Variants in EYS observed in about 807,000 individuals in gnomAD.
EYS encodes protein eyes shut homolog.
Under a neutral mutation model 282.1 loss-of-function variants are expected in EYS, and 250 were observed. The ratio of observed to expected loss-of-function variants is 0.89; its 90% confidence interval spans 0.80 to 0.98. The LOEUF (loss-of-function observed/expected upper bound fraction) is 0.98. Ranked by LOEUF, EYS falls within the 50% of genes least tolerant of loss-of-function variation. The pLI, the probability that EYS is intolerant of heterozygous loss-of-function variation, is 0.00. For missense variants in EYS, 4,016 were observed against 3,709.0 expected, an observed-to-expected ratio of 1.08 and a Z score of -2.15; for synonymous variants, 1,355 against 1,282.9, an observed-to-expected ratio of 1.06 and a Z score of -1.20.
At chr6:64,701,389 A>G (rs1770782902) in intron 22 of EYS, among the ~76,000 whole-genome samples, 1 of 152,146 alleles carries the variant, frequency 6.6e-6, no homozygotes, top group Admixed American at 6.5e-5. Flanking sequence ...CAGGGTCAAC[A>G]GACAACTTGC....
At chr6:64,431,997 C>G (rs1774589117) in intron 28 of EYS, among the ~76,000 whole-genome samples, 1 of 152,024 alleles carries the variant, frequency 6.6e-6, no homozygotes. Context: ...TTTCAAAATG[C>G]TTTGTAATTT....
intron 14 of EYS, among the ~76,000 whole-genome samples, chr6:64,951,098 C>A (rs1424045449): frequency 6.6e-6 from 1 of 151,342 alleles, no homozygotes; most frequent in Non-Finnish European, 1.5e-5. Flanking sequence ...AGAAGTGAGC[C>A]CACAATTTGA....
chr6:65,700,887 C>G (rs754347747), intron 1 of EYS, among the ~76,000 whole-genome samples: 2 of 152,146 alleles, frequency 1.3e-5, no homozygotes, highest in Non-Finnish European at 2.9e-5. Flanking sequence ...TTTTGTAAAT[C>G]CCATCTCTGT....
intron 12 of EYS, among the ~76,000 whole-genome samples, chr6:65,145,063 G>GC (rs1230379561): frequency 6.6e-6 from 1 of 151,910 alleles, no homozygotes; most frequent in Non-Finnish European, 1.5e-5. Flanking sequence ...GAGCCACAGA[G>GC]CCCATTTACT....
At chr6:65,212,847 G>T (rs1448832813) in intron 12 of EYS, among the ~76,000 whole-genome samples, 1 of 151,892 alleles carries the variant, frequency 6.6e-6, no homozygotes, top group African/African-American at 2.4e-5. Context: ...CTATAATTTA[G>T]AAAATAAATT....
intron 14 of EYS, among the ~76,000 whole-genome samples, chr6:64,995,833 G>A (rs1771241688): frequency 1.3e-5 from 2 of 151,414 alleles, no homozygotes; most frequent in South Asian, 4.2e-4. Flanking sequence ...AGATAAATGA[G>A]ACAAGAATAT....
At chr6:64,893,287 T>C (rs34772556) in intron 18 of EYS, among the ~76,000 whole-genome samples, 9,686 of 152,116 alleles carry the variant, frequency 0.064, 415 homozygotes, top group African/African-American at 0.12. Flanking sequence ...TAAATCATGT[T>C]ACTAGAGGTA....
chr6:64,546,777 C>T (rs571448622), intron 26 of EYS, among the ~76,000 whole-genome samples: 54 of 152,284 alleles, frequency 3.5e-4, no homozygotes, highest in African/African-American at 9.1e-4. Context: ...AAAAAATGCT[C>T]ATCATCACTG....
chr6:64,759,003 A>G (rs920930703), intron 22 of EYS, among the ~76,000 whole-genome samples: 7 of 151,850 alleles, frequency 4.6e-5, no homozygotes, highest in African/African-American at 1.2e-4. Flanking sequence ...ACCAGACGTG[A>G]TGGCGGGCGC....
intron 2 of EYS, among the ~76,000 whole-genome samples, chr6:65,506,259 GTTTA>G (rs1258749373): frequency 1.3e-5 from 2 of 151,842 alleles, no homozygotes; most frequent in African/African-American, 4.8e-5. Context: ...GGTGGGTCTT[GTTTA>G]TTTGTTTTTC....
intron 12 of EYS, among the ~76,000 whole-genome samples, chr6:65,129,382 C>A (rs905353759): frequency 2.0e-5 from 3 of 151,892 alleles, no homozygotes; most frequent in African/African-American, 7.3e-5. Context: ...AATAAATAGA[C>A]AACCTACAGA....
intron 22 of EYS, among the ~76,000 whole-genome samples, chr6:64,676,305 A>G (rs1265325415): frequency 1.4e-5 from 2 of 142,608 alleles, no homozygotes; most frequent in Non-Finnish European, 3.1e-5. Flanking sequence ...CTATATCTAT[A>G]TCCAATATAT....
At chr6:64,459,650 G>C (rs965460521) in intron 26 of EYS, among the ~76,000 whole-genome samples, 2 of 152,160 alleles carry the variant, frequency 1.3e-5, no homozygotes, top group African/African-American at 4.8e-5. Flanking sequence ...CAAGAGCTGA[G>C]TCTGATGTTT....
At chr6:65,059,788 C>T (rs1773517414) in intron 12 of EYS, among the ~76,000 whole-genome samples, 1 of 152,006 alleles carries the variant, frequency 6.6e-6, no homozygotes, top group Non-Finnish European at 1.5e-5. Context: ...ACCTGTTTGT[C>T]TTGTGACAAA....
chr6:64,168,215 C>T (rs965974826), intron 31 of EYS, among the ~76,000 whole-genome samples: 1 of 152,128 alleles, frequency 6.6e-6, no homozygotes, highest in African/African-American at 2.4e-5. Context: ...GAGCCAAGAT[C>T]ACGCCACTGC....
intron 1 of EYS, among the ~76,000 whole-genome samples, chr6:65,666,957 TA>T (rs200796849): frequency 1.4e-3 from 192 of 141,070 alleles, no homozygotes; most frequent in Admixed American, 1.3e-3. Context: ...CCACCCAATG[TA>T]AAAAAAAAAA....
chr6:65,006,276 C>T (rs1238926388), intron 13 of EYS, among the ~76,000 whole-genome samples: 2 of 150,910 alleles, frequency 1.3e-5, no homozygotes, highest in Non-Finnish European at 3.0e-5. Flanking sequence ...AAAAAGTGTT[C>T]CCTATTCATT....
intron 33 of EYS, among the ~76,000 whole-genome samples, chr6:64,019,700 C>A (rs1177930337): frequency 1.3e-5 from 2 of 151,910 alleles, no homozygotes; most frequent in Non-Finnish European, 2.9e-5. Flanking sequence ...TGAGCCACCA[C>A]GCTCAGCCTC....
chr6:65,375,783 T>C (rs1765340819), intron 8 of EYS, among the ~76,000 whole-genome samples: 1 of 151,770 alleles, frequency 6.6e-6, no homozygotes, highest in African/African-American at 2.4e-5. Flanking sequence ...ATATCAGAGA[T>C]TGAAGATCAA....
Sources: allele counts gnomAD v4.1 joint callset (sites outside exome capture counted in the v4.1 genomes callset), GRCh38; gene constraint gnomAD v4.1.1; transcripts MANE v1.5; gene names NCBI Gene and HGNC (gene_info 2026-07-23, HGNC 2026-07-21).